DIAPH3: variants seen among roughly 807,000 people sequenced by gnomAD.
The protein encoded by DIAPH3 is protein diaphanous homolog 3.
DIAPH3 carries 117 observed loss-of-function variants against 144.3 expected under a neutral mutation model. The ratio of observed to expected loss-of-function variants is 0.81; its 90% confidence interval spans 0.70 to 0.95. DIAPH3 has a LOEUF of 0.95. Ranked by LOEUF, DIAPH3 falls within the 40% of genes least tolerant of loss-of-function variation. The pLI is 0.00. For synonymous variants in DIAPH3, 519 were observed against 488.9 expected, an observed-to-expected ratio of 1.06 and a Z score of -0.81; for missense variants, 1,421 against 1,412.7, an observed-to-expected ratio of 1.01 and a Z score of -0.09.
intron 24 of DIAPH3, among the ~76,000 whole-genome samples, chr13:59,823,581 G>T (rs375671849): frequency 6.6e-6 from 1 of 152,052 alleles, no homozygotes; most frequent in African/African-American, 2.4e-5. Context: ...GCAAAAGCTG[G>T]CTCAACACTC....
chr13:59,775,135 T>G (rs187856390), intron 25 of DIAPH3, among the ~76,000 whole-genome samples: 378 of 152,344 alleles, frequency 2.5e-3, no homozygotes, highest in South Asian at 5.0e-3. Context: ...TAGTCATGTT[T>G]GAGTCTTGAG....
intron 27 of DIAPH3, among the ~76,000 whole-genome samples, chr13:59,759,841 G>C (rs1033504964): frequency 1.3e-5 from 2 of 151,844 alleles, no homozygotes; most frequent in Non-Finnish European, 2.9e-5. Context: ...AACTACTGGG[G>C]AGGCTGAGGC....
At chr13:60,057,647 A>G (rs1001625942) in intron 4 of DIAPH3, among the ~76,000 whole-genome samples, 1 of 152,074 alleles carries the variant, frequency 6.6e-6, no homozygotes, top group African/African-American at 2.4e-5. Flanking sequence ...TTCCAATTAT[A>G]CGACAGGGAT....
chr13:59,983,729 G>A lies in DIAPH3; in HGVS notation c.1480+40C>T, dbSNP rs780178528. 13 of 1,349,302 alleles carry A rather than the reference G, an allele frequency of 9.6e-6. No individual in the cohort carries two copies. In the East Asian group the frequency reaches 2.6e-4, roughly 26 times the overall value. 83.6% of individuals were successfully genotyped at this position (1,349,302 alleles called of 1,614,324 possible). A position where few individuals can be genotyped will look rare whatever the true frequency, so the allele number is the denominator to read the frequency against. On this transcript the variant is annotated intron_variant, in intron 13 of 27. Transcript: ENST00000400324. Reference sequence around the variant, plus strand: ...GCCCTAGAGCTCATTCATAGAATAAGAGACAATAAGATATTTCTATTTAAA... The same window carrying A: ...GCCCTAGAGCTCATTCATAGAATAAAAGACAATAAGATATTTCTATTTAAA...
intron 27 of DIAPH3, among the ~76,000 whole-genome samples, chr13:59,730,264 G>A (rs1042210670): frequency 2.6e-5 from 4 of 152,228 alleles, no homozygotes; most frequent in Admixed American, 6.5e-5. Flanking sequence ...TGCCTGGCAC[G>A]CCAATTTCTA....
At chr13:59,681,927 T>C (rs919416729) in intron 27 of DIAPH3, among the ~76,000 whole-genome samples, 1 of 152,192 alleles carries the variant, frequency 6.6e-6, no homozygotes, top group Non-Finnish European at 1.5e-5. Flanking sequence ...GCAGGAAGTA[T>C]TTCTATATCA....
intron 1 of DIAPH3, among the ~76,000 whole-genome samples, chr13:60,138,776 GGAGAAGAAGGGGAAGAGGGAAGA>G (rs1337057081): frequency 6.4e-5 from 4 of 62,826 alleles, no homozygotes; most frequent in African/African-American, 1.5e-4. Context: ...AGAAGGAGAA[GGAGAAGAAGGGGAAGAGGGAAGA>G]GGGAAGAGGG....
intron 8 of DIAPH3, among the ~76,000 whole-genome samples, chr13:60,009,014 T>A (rs767787463): frequency 1.8e-4 from 27 of 152,106 alleles, no homozygotes; most frequent in Admixed American, 4.6e-4. Flanking sequence ...GGTTAAGCAA[T>A]CTGTCCAAGG....
At chr13:59,711,394 T>C (rs971255930) in intron 27 of DIAPH3, among the ~76,000 whole-genome samples, 5 of 152,074 alleles carry the variant, frequency 3.3e-5, no homozygotes, top group Non-Finnish European at 7.4e-5. Flanking sequence ...TCAAGAACTA[T>C]TTATCTCCAT....
At chr13:59,811,754 A>G (rs944002088) in intron 24 of DIAPH3, among the ~76,000 whole-genome samples, 1 of 151,418 alleles carries the variant, frequency 6.6e-6, no homozygotes, top group African/African-American at 2.4e-5. Context: ...AAAAAAAAAA[A>G]AAAGAAATGT....
intron 3 of DIAPH3, among the ~76,000 whole-genome samples, chr13:60,097,750 C>T (rs1216843452): frequency 1.4e-5 from 2 of 142,206 alleles, no homozygotes; most frequent in African/African-American, 2.6e-5. Context: ...CATTTGAAAG[C>T]GTAAGAAAAG....
intron 4 of DIAPH3, among the ~76,000 whole-genome samples, chr13:60,065,910 G>A (rs942081783): frequency 2.6e-5 from 4 of 151,992 alleles, no homozygotes; most frequent in Non-Finnish European, 4.4e-5. Flanking sequence ...TCATTGTTTT[G>A]GATGATATAT....
intron 4 of DIAPH3, among the ~76,000 whole-genome samples, chr13:60,052,385 C>T (rs779158115): frequency 1.2e-4 from 18 of 152,102 alleles, no homozygotes; most frequent in Non-Finnish European, 2.5e-4. Context: ...ACAAAGTTCA[C>T]TAGGAGTGAT....
intron 14 of DIAPH3, among the ~76,000 whole-genome samples, chr13:59,974,732 C>A (rs1656380864): frequency 6.6e-6 from 1 of 152,000 alleles, no homozygotes; most frequent in African/African-American, 2.4e-5. Context: ...CAGTTATCTG[C>A]AGCATTGGCA....
intron 4 of DIAPH3, among the ~76,000 whole-genome samples, chr13:60,058,818 G>T (rs2056655428): frequency 6.6e-6 from 1 of 151,870 alleles, no homozygotes; most frequent in Non-Finnish European, 1.5e-5. Context: ...ATCAAATATT[G>T]CATGTTCTCA....
intron 1 of DIAPH3, among the ~76,000 whole-genome samples, chr13:60,161,198 T>G (rs553131186): frequency 1.3e-5 from 2 of 152,326 alleles, no homozygotes; most frequent in East Asian, 3.9e-4. Context: ...CAGGCTCAGA[T>G]AATGACTGGG....
At chr13:59,707,345 TA>T (rs1376075551) in intron 27 of DIAPH3, among the ~76,000 whole-genome samples, 1 of 152,212 alleles carries the variant, frequency 6.6e-6, no homozygotes, top group African/African-American at 2.4e-5. Context: ...CCTGGTTAAG[TA>T]ATTTAGAAAC....
At chr13:59,793,433 C>T (rs1359560367) in intron 25 of DIAPH3, among the ~76,000 whole-genome samples, 3 of 152,184 alleles carry the variant, frequency 2.0e-5, no homozygotes, top group Admixed American at 2.0e-4. Flanking sequence ...CTCCCATATT[C>T]ATTCATTAAC....
chr13:60,103,380 G>A lies in DIAPH3; in HGVS notation c.390+8630C>T, dbSNP rs551886682. Among the ~76,000 whole-genome samples, 8 of 152,210 alleles carry A rather than the reference G, an allele frequency of 5.3e-5. No homozygotes were observed. The South Asian group carries it at 1.7e-3, about 32-fold the overall frequency. ...TGAGCGGGACAGTTAACACCACAGA[G>A]AGTCAGATTAAATTTAAAATGATTG... On this transcript the variant is annotated intron_variant, in intron 3 of 27. Coordinates refer to ENST00000400324, the MANE Select transcript of DIAPH3 (RefSeq NM_001042517.2).
Sources: allele counts gnomAD v4.1 joint callset (sites outside exome capture counted in the v4.1 genomes callset), GRCh38; gene constraint gnomAD v4.1.1; transcripts MANE v1.5; gene names NCBI Gene and HGNC (gene_info 2026-07-23, HGNC 2026-07-21).